Variants in ATG7 observed in about 807,000 individuals in gnomAD.
The protein encoded by ATG7 is ubiquitin-like modifier-activating enzyme ATG7.
In ATG7, 70 loss-of-function variants were observed where a neutral mutation model predicts 82.4. That is an observed-to-expected ratio of 0.85 (90% CI 0.70 to 1.04). The LOEUF (loss-of-function observed/expected upper bound fraction) is 1.04. ATG7 is among the 50% of genes least tolerant of loss of function. The pLI, the probability that ATG7 is intolerant of heterozygous loss-of-function variation, is 0.00. For missense variants in ATG7, 792 were observed against 864.3 expected (o/e 0.92, Z 1.05); for synonymous variants, 287 against 313.0 (o/e 0.92, Z 0.88).
intron 20 of ATG7, among the ~76,000 whole-genome samples, chr3:11,451,378 A>G (rs2085116421): frequency 6.6e-6 from 1 of 152,044 alleles, no homozygotes; most frequent in Admixed American, 6.5e-5. Context: ...TGCCCAGCTA[A>G]TTTTTGTATT....
chr3:11,469,050 C>G (rs149524698), intron 20 of ATG7, among the ~76,000 whole-genome samples: 1 of 152,318 alleles, frequency 6.6e-6, no homozygotes, highest in East Asian at 1.9e-4. Flanking sequence ...CACAATTAAG[C>G]TAGGCCCATT....
intron 20 of ATG7, among the ~76,000 whole-genome samples, chr3:11,436,020 A>G (rs2083340440): frequency 6.6e-6 from 1 of 152,130 alleles, no homozygotes; most frequent in Admixed American, 6.6e-5. Context: ...GTATCGTTTG[A>G]GCCCAGGAGC....
At chr3:11,326,793 A>T (rs1171119684) in intron 9 of ATG7, among the ~76,000 whole-genome samples, 2 of 152,216 alleles carry the variant, frequency 1.3e-5, no homozygotes, top group African/African-American at 4.8e-5. Flanking sequence ...CAACTTCTTA[A>T]TTCGGTGGAA....
At chr3:11,568,919 G>T in the ATG7 span, 2 of 1,267,478 alleles carry the variant, frequency 1.6e-6, no homozygotes, top group South Asian at 3.8e-5. The surrounding 1 kb of genome is among the most constrained non-coding windows in gnomAD (Gnocchi z 5.9). Flanking sequence ...ATCCTAGGCG[G>T]GCACTTCCAC....
chr3:11,445,237 A>G (rs1262605900), intron 20 of ATG7, among the ~76,000 whole-genome samples: 1 of 152,254 alleles, frequency 6.6e-6, no homozygotes, highest in Non-Finnish European at 1.5e-5. Context: ...ATTCTGCCAT[A>G]AAGACACGTG....
chr3:11,357,476 A>G (rs943698839), intron 14 of ATG7, among the ~76,000 whole-genome samples: 3 of 152,198 alleles, frequency 2.0e-5, no homozygotes, highest in Non-Finnish European at 4.4e-5. Flanking sequence ...AAAAATATCT[A>G]CATACTCCTA....
chr3:11,319,650 A>G (rs1376600132), intron 9 of ATG7, among the ~76,000 whole-genome samples: 3 of 152,024 alleles, frequency 2.0e-5, no homozygotes, highest in Admixed American at 1.3e-4. Context: ...GCACCTTACA[A>G]TCTTTGCCCC....
chr3:11,432,508 GA>G (rs1559612228), intron 20 of ATG7, among the ~76,000 whole-genome samples: 1 of 152,058 alleles, frequency 6.6e-6, no homozygotes. Context: ...AGAAGCTTGG[GA>G]GGGGGGGTAA....
chr3:11,488,954 A>T (rs1433630979), intron 20 of ATG7, among the ~76,000 whole-genome samples: 1 of 151,990 alleles, frequency 6.6e-6, no homozygotes, highest in East Asian at 1.9e-4. Flanking sequence ...TTTTCTATTG[A>T]TTGGAATAGT....
chr3:11,573,365 AAGAAAGAAAG>A, the ATG7 span, among the ~76,000 whole-genome samples: 2 of 139,456 alleles, frequency 1.4e-5, no homozygotes, highest in Admixed American at 1.4e-4. Context: ...GAAAGAAAGA[AAGAAAGAAAG>A]AAAGAAAGAA....
At chr3:11,523,226 C>A (rs952276545) in intron 20 of ATG7, among the ~76,000 whole-genome samples, 25 of 152,284 alleles carry the variant, frequency 1.6e-4, no homozygotes, top group African/African-American at 6.0e-4. Flanking sequence ...AAATTAGTAC[C>A]TTTCCATTTC....
chr3:11,571,587 A>G, the ATG7 span, among the ~76,000 whole-genome samples: 1 of 152,020 alleles, frequency 6.6e-6, no homozygotes, highest in Non-Finnish European at 1.5e-5. Context: ...GGATGGCTGG[A>G]GCCCAGTAAG....
the ATG7 span, among the ~76,000 whole-genome samples, chr3:11,572,618 C>A: frequency 6.6e-6 from 1 of 152,180 alleles, no homozygotes; most frequent in Non-Finnish European, 1.5e-5. Context: ...TCTTGCCACA[C>A]GTGGATGTGT....
intron 15 of ATG7, 22 bp downstream of exon 15, chr3:11,358,634 G>T: frequency 6.2e-7 from 1 of 1,605,136 alleles, no homozygotes; most frequent in South Asian, 1.1e-5. Context: ...CTCTAATTAT[G>T]ATTTATGATT....
At chr3:11,378,808 C>G (rs770805520) in intron 18 of ATG7, among the ~76,000 whole-genome samples, 2 of 151,282 alleles carry the variant, frequency 1.3e-5, no homozygotes, top group Non-Finnish European at 2.9e-5. Flanking sequence ...ATGGAGTTAT[C>G]CAAAACTCAA....
intron 20 of ATG7, among the ~76,000 whole-genome samples, chr3:11,518,201 T>C (rs1406637541): frequency 6.6e-6 from 1 of 151,932 alleles, no homozygotes; most frequent in Non-Finnish European, 1.5e-5. Flanking sequence ...AGAAAGTTAA[T>C]TAGAACCATG....
intron 14 of ATG7, among the ~76,000 whole-genome samples, chr3:11,349,566 C>T (rs1955145396): frequency 1.3e-5 from 2 of 151,958 alleles, no homozygotes; most frequent in Admixed American, 1.3e-4. Flanking sequence ...AATAAATAAT[C>T]CATCTCACAT....
intron 20 of ATG7, among the ~76,000 whole-genome samples, chr3:11,429,078 G>A (rs1362886738): frequency 2.6e-5 from 4 of 152,134 alleles, no homozygotes; most frequent in African/African-American, 7.2e-5. Context: ...GGAATCATAC[G>A]TCACATCAAA....
rs558635674 is a variant in ATG7 at position 11,450,977 on chromosome 3, G to A, written c.2079+24051G>A. 2.6e-5 allele frequency among the ~76,000 whole-genome samples: 4 copies of A among 152,260 alleles called. No homozygotes were observed. The South Asian group carries it at 8.3e-4, about 32-fold the overall frequency. On this transcript the variant is annotated intron_variant, in intron 20 of 20. Transcript: ENST00000693202. ...ATCTGATTTTCAAGATCTGTAGAGAGACCTTAGTATATTGCCTTGCCTGTA... is the reference window on the plus strand; with the variant it reads ...ATCTGATTTTCAAGATCTGTAGAGAAACCTTAGTATATTGCCTTGCCTGTA...
Sources: gnomAD v4.1 joint callset for allele counts (sites outside exome capture counted in the v4.1 genomes callset) on GRCh38, gnomAD v4.1.1 for gene constraint, Gnocchi (gnomAD v3.1) non-coding constraint, MANE v1.5 for transcripts, NCBI Gene and HGNC (gene_info 2026-07-23, HGNC 2026-07-21) for gene names.